Variants in SIRPA observed in about 807,000 individuals in gnomAD.
SIRPA encodes the protein signal regulatory protein alpha, also known as tyrosine-protein phosphatase non-receptor type substrate 1.
In SIRPA, 9 loss-of-function variants were observed where a neutral mutation model predicts 50.3. The observed-to-expected ratio is 0.18, with a 90% confidence interval of 0.11 to 0.31. The LOEUF is 0.31. SIRPA is among the 10% of genes least tolerant of loss of function. SIRPA has a pLI of 1.00. For missense variants in SIRPA, 474 were observed against 661.6 expected, an observed-to-expected ratio of 0.72 and a Z score of 3.11; for synonymous variants, 265 against 284.1, an observed-to-expected ratio of 0.93 and a Z score of 0.68.
At position 1,927,939 on chromosome 20, in the gene SIRPA, T is replaced by C. The variant is rs372960646; in HGVS notation, c.1226+40T>C. Reference sequence around the variant, plus strand: ...GGTCCAGACCCTCTTGCAGTTATTATTTGGTTATTTGACAGCCCCCCAGAC... The same window carrying C: ...GGTCCAGACCCTCTTGCAGTTATTACTTGGTTATTTGACAGCCCCCCAGAC... On this transcript the variant is annotated intron_variant, in intron 6 of 7. Transcript: ENST00000358771. This position sits in a 1 kb window ranked among gnomAD's most constrained non-coding sequence, Gnocchi z 6.5. The C allele has an allele frequency of 4.4e-6, 7 of 1,580,918 alleles. No individual in the cohort carries two copies. In the African/African-American group the frequency reaches 6.7e-5, roughly 15 times the overall value.
chr20:1,921,305 T>C (rs936489291), intron 2 of SIRPA, 90 bp from the exon 3 acceptor site: 4 of 1,597,502 alleles, frequency 2.5e-6, no homozygotes, highest in African/African-American at 2.7e-5. Flanking sequence ...TAAAAAATAA[T>C]GTCTCAGAAG....
At chr20:1,899,644 C>CCGT (rs1568492261) in intron 1 of SIRPA, among the ~76,000 whole-genome samples, 7 of 152,146 alleles carry the variant, frequency 4.6e-5, no homozygotes, top group Admixed American at 1.3e-4. Context: ...TACTCATCCT[C>CCGT]CGAGGTTCAA....
rs764901548 is a variant in SIRPA, at chr20:1,938,621, C to T, written c.*1053C>T. ...GGCAAGAAGGATCAGGTCAGCCACT[C>T]CCTGGAGACACAGCCTTCTGGCTGG... On this transcript the variant is annotated 3_prime_UTR_variant, in exon 8 of 8. Coordinates refer to ENST00000358771, the MANE Select transcript of SIRPA (RefSeq NM_001040023.2). The T allele has an allele frequency of 6.5e-6, 1 of 152,696 alleles. No individual in the cohort carries two copies. Among genetic ancestry groups the T allele is most frequent in the Non-Finnish European group, 1.5e-5 (1 of 68,058 alleles). 9.5% of individuals were successfully genotyped at this position (152,696 alleles called of 1,614,324 possible).
rs147040040 is a variant in SIRPA, at chr20:1,907,533, T to G, written c.80-7566T>G. On this transcript the variant is annotated intron_variant, in intron 1 of 7. Coordinates refer to ENST00000358771, the MANE Select transcript of SIRPA (RefSeq NM_001040023.2). ...GTGGTTCCCTCCTCTTGGAATGCCT[T>G]CCTTCATCCCAGCCTCTGTCAGCCT... is the stretch of plus-strand genomic sequence containing the variant. Among the ~76,000 whole-genome samples the G allele has an allele frequency of 1.2e-4, 19 of 152,302 alleles. No homozygotes were observed. In the East Asian group the frequency reaches 3.7e-3, roughly 29 times the overall value.
In SIRPA at chr20:1,939,328, A is replaced by C. The variant is rs1217466546; in HGVS notation, c.*1760A>C. Reference sequence around the variant, plus strand: ...ACAGGTGAAACTGCAGGAGCTCAGCATAGACCCAGCTCTCTGGGGGATGGT... The same window carrying C: ...ACAGGTGAAACTGCAGGAGCTCAGCCTAGACCCAGCTCTCTGGGGGATGGT... On this transcript the variant is annotated 3_prime_UTR_variant, in exon 8 of 8. Coordinates refer to ENST00000358771, the MANE Select transcript of SIRPA (RefSeq NM_001040023.2). This position sits in a 1 kb window ranked among gnomAD's most constrained non-coding sequence, Gnocchi z 4.7. The C allele has an allele frequency of 6.6e-6, 1 of 152,226 alleles. No individual in the cohort carries two copies. Among genetic ancestry groups the C allele is most frequent in the Non-Finnish European group, 1.5e-5 (1 of 68,048 alleles). The allele number at this position is 152,226 out of a possible 1,614,324, so 9.4% of individuals were successfully genotyped here.
intron 7 of SIRPA, among the ~76,000 whole-genome samples, chr20:1,935,564 C>T (rs1246225370): frequency 5.9e-5 from 9 of 152,252 alleles, no homozygotes; most frequent in African/African-American, 9.6e-5. Flanking sequence ...CCCGCAGCCC[C>T]GGACATGAGC....
Position 1,927,820 on chromosome 20 carries a change from T to C in SIRPA, c.1202-55T>C, listed in dbSNP as rs146917483. 9,052 of 1,573,246 alleles carry C rather than the reference T, an allele frequency of 5.8e-3. 138 individuals carry two copies. The highest frequency in any genetic ancestry group is 0.054 in the African/African-American group (3,985 of 74,266). On this transcript the variant is annotated intron_variant, in intron 5 of 7. Coordinates refer to ENST00000358771, the MANE Select transcript of SIRPA (RefSeq NM_001040023.2). The surrounding 1 kb of genome is among the most constrained non-coding windows in gnomAD (Gnocchi z 6.5). Reference sequence around the variant, plus strand: ...AACCTTTTGCCAAAAAATAGTTACATAAGAAAAGTGTGCTTCTAGTTAAAC... The same window carrying C: ...AACCTTTTGCCAAAAAATAGTTACACAAGAAAAGTGTGCTTCTAGTTAAAC...
intron 6 of SIRPA, among the ~76,000 whole-genome samples, chr20:1,929,243 G>T (rs1986164490): frequency 6.6e-6 from 1 of 152,108 alleles, no homozygotes; most frequent in Non-Finnish European, 1.5e-5. Context: ...GTGGAGCCCA[G>T]ACTACAGGAG....
chr20:1,894,720 T>G (rs1478639048), upstream of SIRPA: 40 of 147,176 alleles, frequency 2.7e-4, no homozygotes, highest in African/African-American at 9.6e-4. This position sits in a 1 kb window ranked among gnomAD's most constrained non-coding sequence, Gnocchi z 4.0. Flanking sequence ...GACGCTGCCC[T>G]CCCCGGCCGG....
chr20:1,898,516 C>T lies in SIRPA; in HGVS notation c.79+2990C>T, dbSNP rs142601243. On this transcript the variant is annotated intron_variant, in intron 1 of 7. Coordinates refer to ENST00000358771, the MANE Select transcript of SIRPA (RefSeq NM_001040023.2). This position sits in a 1 kb window ranked among gnomAD's most constrained non-coding sequence, Gnocchi z 4.3. ...GATGCTGCTCCTGCGTCGTCTCACC[C>T]GCAAGACATGGATTGGCTCTTCTCC... Among the ~76,000 whole-genome samples the T allele has an allele frequency of 1.4e-3, 209 of 152,230 alleles. 2 individuals are homozygous for T. The highest frequency in any genetic ancestry group is 7.9e-3 in the South Asian group (38 of 4,824).
intron 2 of SIRPA, among the ~76,000 whole-genome samples, chr20:1,919,392 G>A (rs1302462496): frequency 2.6e-5 from 4 of 152,024 alleles, no homozygotes; most frequent in African/African-American, 9.7e-5. Context: ...GGTCCTCTTG[G>A]GGTGCCAGAT....
chr20:1,928,202 A>G lies in SIRPA; in HGVS notation c.1226+303A>G, dbSNP rs2122153150. Among the ~76,000 whole-genome samples the G allele has an allele frequency of 6.6e-6, 1 of 152,316 alleles. No homozygotes were observed. Among genetic ancestry groups the G allele is most frequent in the East Asian group, 1.9e-4 (1 of 5,180 alleles). On this transcript the variant is annotated intron_variant, in intron 6 of 7. Transcript: ENST00000358771. This position sits in a 1 kb window ranked among gnomAD's most constrained non-coding sequence, Gnocchi z 4.9. ...TCCCGGGCTTTCTGTCCTCACAGAC[A>G]TCCTGCACACGCCACCGGATGCATC...
Position 1,937,349 on chromosome 20 carries a change from G to A in SIRPA, c.1296G>A (p.Leu432=). ...CAAATGATATCACATATGCAGACCT[G>A]AACCTGCCCAAGGGGAAGAAGCCTG... ...QDTNDITYAD[L]NLPKGKKPAP... The change falls in exon 8 of 8, where the codon CTG becomes CTA. Residue 432 remains leucine (L), a synonymous_variant. Coordinates refer to ENST00000358771, the MANE Select transcript of SIRPA (RefSeq NM_001040023.2). The surrounding 1 kb of genome is among the most constrained non-coding windows in gnomAD (Gnocchi z 8.3). 1 of 1,614,092 alleles carries A rather than the reference G, an allele frequency of 6.2e-7. No individual in the cohort carries two copies. The highest frequency in any genetic ancestry group is 8.5e-7 in the Non-Finnish European group (1 of 1,180,010).
At chr20:1,925,338 A>C (rs529104395) in intron 5 of SIRPA, among the ~76,000 whole-genome samples, 24 of 152,352 alleles carry the variant, frequency 1.6e-4, no homozygotes, top group African/African-American at 4.8e-4. Flanking sequence ...AAGTGATTGC[A>C]TGGGAAATGT....
intron 1 of SIRPA, among the ~76,000 whole-genome samples, chr20:1,895,931 G>C (rs929213819): frequency 1.3e-5 from 2 of 152,214 alleles, no homozygotes; most frequent in African/African-American, 4.8e-5. Context: ...TTTGACTTCA[G>C]GGTGTGAGGG....
intron 1 of SIRPA, among the ~76,000 whole-genome samples, chr20:1,896,369 C>T (rs572499976): frequency 6.7e-6 from 1 of 149,058 alleles, no homozygotes; most frequent in South Asian, 2.1e-4. Flanking sequence ...TGCATGTTCA[C>T]CAAAGGGTGA....
In SIRPA at chr20:1,934,506, A is replaced by T. The variant is rs1986461625; in HGVS notation, c.1227-209A>T. On this transcript the variant is annotated intron_variant, in intron 6 of 7. Coordinates refer to ENST00000358771, the MANE Select transcript of SIRPA (RefSeq NM_001040023.2). The surrounding 1 kb of genome is among the most constrained non-coding windows in gnomAD (Gnocchi z 4.6). ...ATCCTTGCCAATAGAGTAGGTTAAA[A>T]AAATGATAGTGCATTGCTTAGAATT... Among the ~76,000 whole-genome samples the T allele has an allele frequency of 6.6e-6, 1 of 152,246 alleles. No individual in the cohort carries two copies. Among genetic ancestry groups the T allele is most frequent in the South Asian group, 2.1e-4 (1 of 4,828 alleles).
At chr20:1,895,321 G>T (rs1295063534), upstream of SIRPA, 2 of 562,148 alleles carry the variant, frequency 3.6e-6, no homozygotes, top group Non-Finnish European at 5.5e-6. Context: ...GCCCGTTCCG[G>T]AGTCGGGGGG....
intron 1 of SIRPA, among the ~76,000 whole-genome samples, chr20:1,903,782 C>T (rs1984380433): frequency 6.6e-6 from 1 of 152,202 alleles, no homozygotes; most frequent in Non-Finnish European, 1.5e-5. Context: ...GCTGTCCCAA[C>T]CACCCCATTC....
Sources: allele counts gnomAD v4.1 joint callset (sites outside exome capture counted in the v4.1 genomes callset), GRCh38; gene constraint gnomAD v4.1.1; non-coding constraint Gnocchi (gnomAD v3.1); transcripts MANE v1.5; gene names NCBI Gene and HGNC (gene_info 2026-07-23, HGNC 2026-07-21).